The following DPP6 variants were observed in gnomAD, a reference collection of about 807,000 sequenced individuals.
The protein encoded by DPP6 is dipeptidyl peptidase like 6.
A neutral mutation model predicts 122.6 loss-of-function variants in DPP6; 69 were observed. That is an observed-to-expected ratio of 0.56 (90% CI 0.46 to 0.69). DPP6 has a LOEUF of 0.69. Among genes scored for constraint, DPP6 ranks in the 30% least tolerant of loss-of-function variants. The pLI, the probability that DPP6 is intolerant of heterozygous loss-of-function variation, is 0.00. For synonymous variants in DPP6, 418 were observed against 433.1 expected (o/e 0.97, Z 0.43); for missense variants, 928 against 1,116.9 (o/e 0.83, Z 2.41).
Position 154,339,215 on chromosome 7 carries a change from C to T in DPP6, c.244-106999C>T, listed in dbSNP as rs893841469. ...CTTCTTTGGCACGCGTTAAGCAGTG[C>T]GTGCAATGCATTGCAAATGCAAGTA... On this transcript the variant is annotated intron_variant, in intron 1 of 25. Coordinates refer to ENST00000377770, the MANE Select transcript of DPP6 (RefSeq NM_130797.4). Among the ~76,000 whole-genome samples, 10 of 152,258 alleles carry T rather than the reference C, an allele frequency of 6.6e-5. No homozygotes were observed. The South Asian group carries it at 1.0e-3, about 16-fold the overall frequency.
chr7:153,884,983 CAA>C (rs1399961557), upstream of DPP6, among the ~76,000 whole-genome samples: 73 of 63,390 alleles, frequency 1.2e-3, no homozygotes, highest in East Asian at 0.012. Flanking sequence ...CGTCTCAAAA[CAA>C]AAATATATAT....
Position 153,971,506 on chromosome 7 carries a change from G to T in DPP6, c.51+83772G>T, listed in dbSNP as rs1165235000. ...AGATTAAATCTCTGCCTGGGTTCTAGATCTAAGGGGAAAAGTGTTCAGTAT... is the reference window on the plus strand; with the variant it reads ...AGATTAAATCTCTGCCTGGGTTCTATATCTAAGGGGAAAAGTGTTCAGTAT... On this transcript the variant is annotated intron_variant, in intron 1 of 25. Coordinates refer to the DPP6 transcript ENST00000404039. Among the ~76,000 whole-genome samples, 35 of 143,736 alleles carry T rather than the reference G, an allele frequency of 2.4e-4. 1 individual carries two copies. The highest frequency in any genetic ancestry group is 8.0e-4 in the African/African-American group (32 of 39,808). 94.3% of individuals were successfully genotyped at this position (143,736 alleles called of 152,430 possible).
At chr7:154,186,289 G>A (rs1341747975) in intron 1 of DPP6, among the ~76,000 whole-genome samples, 2 of 152,220 alleles carry the variant, frequency 1.3e-5, no homozygotes, top group Non-Finnish European at 1.5e-5. Flanking sequence ...TCTGGCTCTG[G>A]ACTCTAAAAA....
At chr7:154,559,993 A>G (rs1470488423) in intron 4 of DPP6, among the ~76,000 whole-genome samples, 1 of 148,552 alleles carries the variant, frequency 6.7e-6, no homozygotes, top group African/African-American at 2.4e-5. Flanking sequence ...ATAAACATAT[A>G]TATATAAAGA....
At chr7:154,552,506 G>A (rs115963052) in intron 4 of DPP6, among the ~76,000 whole-genome samples, 4,221 of 152,290 alleles carry the variant, frequency 0.028, 191 homozygotes, top group African/African-American at 0.094. Flanking sequence ...CAGCAGGGGC[G>A]TCCAAGCTCA....
chr7:154,665,356 A>T (rs1447202167), intron 6 of DPP6, among the ~76,000 whole-genome samples: 1 of 152,144 alleles, frequency 6.6e-6, no homozygotes, highest in Non-Finnish European at 1.5e-5. Context: ...GTAAAGACTC[A>T]TGGGTATTTA....
the DPP6 span, among the ~76,000 whole-genome samples, chr7:153,774,314 A>G: frequency 6.6e-6 from 1 of 152,330 alleles, no homozygotes; most frequent in South Asian, 2.1e-4. Flanking sequence ...AAGGTACAAT[A>G]CAGAGGTTAA....
At chr7:153,788,521 G>A in the DPP6 span, among the ~76,000 whole-genome samples, 3 of 152,144 alleles carry the variant, frequency 2.0e-5, no homozygotes, top group South Asian at 2.1e-4. Flanking sequence ...TTATACAATC[G>A]ATGGCATCTC....
At chr7:154,582,915 A>G (rs978010575) in intron 5 of DPP6, among the ~76,000 whole-genome samples, 1 of 152,124 alleles carries the variant, frequency 6.6e-6, no homozygotes, top group Non-Finnish European at 1.5e-5. Flanking sequence ...GGGGGAAGGT[A>G]TGAGTGTCTT....
chr7:154,880,159 G>A (rs903094977), intron 20 of DPP6, among the ~76,000 whole-genome samples: 5 of 152,192 alleles, frequency 3.3e-5, no homozygotes, highest in African/African-American at 4.8e-5. Context: ...GCCTGCAGGC[G>A]TCCTGCTGCT....
chr7:154,302,204 G>A (rs372919426), intron 1 of DPP6, among the ~76,000 whole-genome samples: 59 of 152,182 alleles, frequency 3.9e-4, no homozygotes, highest in African/African-American at 1.0e-3. Context: ...CCAGTCCCAG[G>A]CAACCACTAC....
intron 1 of DPP6, among the ~76,000 whole-genome samples, chr7:154,288,671 A>C (rs1292434879): frequency 6.6e-6 from 1 of 152,238 alleles, no homozygotes; most frequent in Non-Finnish European, 1.5e-5. Flanking sequence ...GAATCTCTCC[A>C]AGTTTTGCTC....
chr7:154,726,748 T>C (rs1387369587), intron 7 of DPP6, among the ~76,000 whole-genome samples: 1 of 152,250 alleles, frequency 6.6e-6, no homozygotes, highest in Admixed American at 6.5e-5. Flanking sequence ...TTTTCTCTTC[T>C]ACCACATAGT....
At chr7:154,881,801 C>T (rs1013373755) in intron 21 of DPP6, among the ~76,000 whole-genome samples, 13 of 152,218 alleles carry the variant, frequency 8.5e-5, no homozygotes, top group South Asian at 2.1e-4. Flanking sequence ...CCTTACCTGC[C>T]GGAGGTGAAG....
the DPP6 span, among the ~76,000 whole-genome samples, chr7:153,754,599 G>T: frequency 6.6e-6 from 1 of 152,136 alleles, no homozygotes. Context: ...TGGGAATTTG[G>T]TGGCCATTAT....
chr7:154,149,026 TG>T (rs1395203331), intron 1 of DPP6, among the ~76,000 whole-genome samples: 1 of 152,216 alleles, frequency 6.6e-6, no homozygotes, highest in African/African-American at 2.4e-5. Flanking sequence ...ACGATGAGTA[TG>T]GTGCAGTATC....
At chr7:153,835,866 G>GC in the DPP6 span, among the ~76,000 whole-genome samples, 1 of 152,164 alleles carries the variant, frequency 6.6e-6, no homozygotes, top group East Asian at 1.9e-4. Flanking sequence ...CTCTGAGCAT[G>GC]CCTGGTACAA....
intron 4 of DPP6, 68 bp downstream of exon 4, chr7:154,540,694 T>C (rs1033213020): frequency 3.0e-6 from 3 of 995,376 alleles, no homozygotes; most frequent in African/African-American, 3.4e-5. Context: ...AAACAGAAAA[T>C]GACTTTTGGT....
intron 16 of DPP6, among the ~76,000 whole-genome samples, chr7:154,827,933 T>C (rs759615076): frequency 1.3e-5 from 2 of 152,020 alleles, no homozygotes; most frequent in Non-Finnish European, 2.9e-5. Flanking sequence ...TTTCTCCCTG[T>C]TGGGGATGGA....
Sources: allele counts gnomAD v4.1 joint callset (sites outside exome capture counted in the v4.1 genomes callset), GRCh38; gene constraint gnomAD v4.1.1; transcripts MANE v1.5; gene names NCBI Gene and HGNC (gene_info 2026-07-23, HGNC 2026-07-21).